The following RARB variants were observed in gnomAD, a reference collection of about 807,000 sequenced individuals.
RARB encodes retinoic acid receptor beta.
Under a neutral mutation model 51.9 loss-of-function variants are expected in RARB, and 17 were observed. The observed-to-expected ratio is 0.33, with a 90% CI of 0.22 to 0.49. The LOEUF (loss-of-function observed/expected upper bound fraction) is 0.49. Ranked by LOEUF, RARB falls within the 20% of genes least tolerant of loss-of-function variation. The probability of loss-of-function intolerance (pLI) is 0.99; values close to 1 mark genes in which losing one functional copy is unlikely to be tolerated. For missense variants in RARB, 369 were observed against 550.8 expected (o/e 0.67, Z 3.30); for synonymous variants, 215 against 195.4 (o/e 1.10, Z -0.84).
At chr3:25,520,414 C>G (rs1698351991) in intron 3 of RARB, among the ~76,000 whole-genome samples, 1 of 152,146 alleles carries the variant, frequency 6.6e-6, no homozygotes, top group Admixed American at 6.5e-5. Context: ...TAAACTATTC[C>G]TCTCCCAGTC....
intron 2 of RARB, among the ~76,000 whole-genome samples, chr3:24,937,469 C>T (rs1440990143): frequency 2.0e-5 from 3 of 152,094 alleles, no homozygotes; most frequent in African/African-American, 7.2e-5. Context: ...AGCAACGCTT[C>T]CCCACCCACA....
chr3:25,441,009 C>A (rs1184015042), intron 1 of RARB, among the ~76,000 whole-genome samples: 1 of 143,390 alleles, frequency 7.0e-6, no homozygotes, highest in Non-Finnish European at 1.5e-5. Context: ...CAATCATATA[C>A]CTAGGTACCT....
chr3:24,934,840 C>T (rs1329992213), intron 2 of RARB, among the ~76,000 whole-genome samples: 2 of 151,988 alleles, frequency 1.3e-5, no homozygotes, highest in Non-Finnish European at 2.9e-5. Flanking sequence ...GAATTTAAAG[C>T]CTATGAGTGA....
intron 5 of RARB, among the ~76,000 whole-genome samples, chr3:25,257,809 GC>G (rs1702903049): frequency 6.6e-6 from 1 of 151,692 alleles, no homozygotes; most frequent in Non-Finnish European, 1.5e-5. Context: ...AACCTTCTAA[GC>G]CCTCTTTGTT....
At chr3:25,038,136 G>A (rs942499364) in intron 2 of RARB, among the ~76,000 whole-genome samples, 1 of 152,108 alleles carries the variant, frequency 6.6e-6, no homozygotes, top group Non-Finnish European at 1.5e-5. Flanking sequence ...CCTTTAGCAT[G>A]GATGGTCTGT....
chr3:24,963,025 T>C (rs1696175750), intron 2 of RARB, among the ~76,000 whole-genome samples: 1 of 152,172 alleles, frequency 6.6e-6, no homozygotes, highest in African/African-American at 2.4e-5. Context: ...TGTTTATTCC[T>C]TTTTGTTCTA....
chr3:25,322,733 T>A (rs1310071035), intron 5 of RARB, among the ~76,000 whole-genome samples: 1 of 152,200 alleles, frequency 6.6e-6, no homozygotes, highest in Non-Finnish European at 1.5e-5. Flanking sequence ...TTAGTTTTTT[T>A]AAGATAAACA....
chr3:25,043,610 G>A (rs1018215950), intron 2 of RARB, among the ~76,000 whole-genome samples: 3 of 152,182 alleles, frequency 2.0e-5, no homozygotes, highest in South Asian at 2.1e-4. Flanking sequence ...AGTTCAGGGA[G>A]AGAAAAGATA....
chr3:25,204,596 G>A (rs1245524051), intron 5 of RARB, among the ~76,000 whole-genome samples: 1 of 152,154 alleles, frequency 6.6e-6, no homozygotes, highest in Admixed American at 6.5e-5. Flanking sequence ...TGTACAGATT[G>A]GGTTTTGGTG....
chr3:25,159,933 A>G (rs1700447208), intron 4 of RARB, among the ~76,000 whole-genome samples: 2 of 152,190 alleles, frequency 1.3e-5, no homozygotes, highest in South Asian at 4.1e-4. Context: ...GGGGAAGAGA[A>G]AACTACCCAT....
intron 2 of RARB, among the ~76,000 whole-genome samples, chr3:25,472,813 C>A (rs184583126): frequency 3.3e-5 from 5 of 152,282 alleles, no homozygotes; most frequent in Non-Finnish European, 7.4e-5. Flanking sequence ...AGAGGTAGAC[C>A]TTTATCAGGG....
chr3:24,991,443 CAAAAAA>C (rs371185277), intron 2 of RARB, among the ~76,000 whole-genome samples: 12 of 138,764 alleles, frequency 8.6e-5, no homozygotes, highest in Non-Finnish European at 1.9e-4. Flanking sequence ...AACTCTGTCT[CAAAAAA>C]AAAAGAAAAA....
intron 2 of RARB, among the ~76,000 whole-genome samples, chr3:24,994,326 G>A (rs1055974814): frequency 2.7e-5 from 4 of 148,836 alleles, no homozygotes; most frequent in South Asian, 2.1e-4. Flanking sequence ...TTCGGATTAC[G>A]TGCCTATTTT....
intron 2 of RARB, among the ~76,000 whole-genome samples, chr3:24,935,125 G>A (rs888160292): frequency 6.6e-6 from 1 of 152,094 alleles, no homozygotes; most frequent in South Asian, 2.1e-4. Flanking sequence ...TCTTCATAAA[G>A]CTCAGTAATG....
At chr3:25,248,847 A>C (rs1702634577) in intron 5 of RARB, among the ~76,000 whole-genome samples, 1 of 152,036 alleles carries the variant, frequency 6.6e-6, no homozygotes, top group Non-Finnish European at 1.5e-5. Flanking sequence ...TAGATTCTTT[A>C]TCTTGCTGTT....
intron 5 of RARB, among the ~76,000 whole-genome samples, chr3:25,330,926 G>T (rs1704874427): frequency 1.3e-5 from 2 of 152,200 alleles, no homozygotes; most frequent in Non-Finnish European, 1.5e-5. Flanking sequence ...AAGAGACAAA[G>T]AAGGCCATTA....
At chr3:25,559,468 C>T (rs968197954) in intron 3 of RARB, among the ~76,000 whole-genome samples, 5 of 152,202 alleles carry the variant, frequency 3.3e-5, no homozygotes, top group African/African-American at 1.2e-4. Context: ...GAATGAATAT[C>T]TCCCTTCTGA....
In RARB at chr3:24,976,470, C is replaced by T. The variant is rs144703739; in HGVS notation, c.-379-83655C>T. Reference sequence around the variant, plus strand: ...TTTTAATGATTGCCATTCTAACTGCCGTGGGATGGTATCTCATTGTGGTTT... The same window carrying T: ...TTTTAATGATTGCCATTCTAACTGCTGTGGGATGGTATCTCATTGTGGTTT... On this transcript the variant is annotated intron_variant, in intron 2 of 11. Transcript: ENST00000383772. Among the ~76,000 whole-genome samples the T allele has an allele frequency of 2.3e-3, 353 of 152,182 alleles. 1 individual carries two copies. The highest frequency in any genetic ancestry group is 7.8e-3 in the African/African-American group (326 of 41,530).
chr3:25,098,869 C>T (rs1246543817), intron 3 of RARB, among the ~76,000 whole-genome samples: 1 of 152,202 alleles, frequency 6.6e-6, no homozygotes, highest in Non-Finnish European at 1.5e-5. Context: ...ACATCAACCC[C>T]TTACCCCTGC....
Sources: allele counts gnomAD v4.1 joint callset (sites outside exome capture counted in the v4.1 genomes callset), GRCh38; gene constraint gnomAD v4.1.1; transcripts MANE v1.5; gene names NCBI Gene and HGNC (gene_info 2026-07-23, HGNC 2026-07-21).